Variants in GAREM1 observed in about 807,000 individuals in gnomAD.
GAREM1 encodes GRB2 associated regulator of MAPK1 subtype 1.
A neutral mutation model predicts 71.3 loss-of-function variants in GAREM1; 26 were observed. The observed-to-expected ratio is 0.36, with a 90% CI of 0.27 to 0.51. The LOEUF is 0.51. Among genes scored for constraint, GAREM1 ranks in the 20% least tolerant of loss-of-function variants. GAREM1 has a pLI of 0.95. For synonymous variants in GAREM1, 440 were observed against 433.2 expected (o/e 1.02, Z -0.20); for missense variants, 1,026 against 1,103.1 (o/e 0.93, Z 0.99).
intron 3 of GAREM1, among the ~76,000 whole-genome samples, chr18:32,305,471 T>C (rs533486146): frequency 1.1e-4 from 16 of 152,352 alleles, no homozygotes; most frequent in African/African-American, 1.9e-4. Flanking sequence ...CCAGTTCTCA[T>C]TGGGGCTACA....
chr18:32,436,365 T>C (rs975460184), intron 1 of GAREM1, among the ~76,000 whole-genome samples: 1 of 151,934 alleles, frequency 6.6e-6, no homozygotes, highest in Non-Finnish European at 1.5e-5. Context: ...AGTTTACCAG[T>C]TGTGTGTGTG....
intron 1 of GAREM1, among the ~76,000 whole-genome samples, chr18:32,435,590 T>C (rs1218265625): frequency 2.0e-5 from 3 of 152,060 alleles, no homozygotes; most frequent in Admixed American, 1.3e-4. Flanking sequence ...TTTTAAATAA[T>C]GGGAGAAACC....
rs769861986 is a variant in GAREM1 at position 32,440,342 on chromosome 18, T to G, written c.121+29966A>C. On this transcript the variant is annotated intron_variant, in intron 1 of 5. Coordinates refer to ENST00000269209, the MANE Select transcript of GAREM1 (RefSeq NM_001242409.2). ...GGAACCTCTCTATCTCATGTTATTA[T>G]AGCTTCAGATCCCAAGGCTGTTGAT... 3.9e-5 allele frequency among the ~76,000 whole-genome samples: 6 copies of G among 152,282 alleles called. No homozygotes were observed. In the East Asian group the frequency reaches 9.7e-4, roughly 25 times the overall value.
At chr18:32,374,421 A>G (rs1462076595) in intron 2 of GAREM1, among the ~76,000 whole-genome samples, 1 of 152,244 alleles carries the variant, frequency 6.6e-6, no homozygotes, top group African/African-American at 2.4e-5. Flanking sequence ...CCTTGTCAGC[A>G]TGTGCCCCTA....
chr18:32,364,012 ATATATATATATATATGTT>A (rs1480976460), intron 2 of GAREM1, among the ~76,000 whole-genome samples: 21 of 51,464 alleles, frequency 4.1e-4, no homozygotes, highest in African/African-American at 2.3e-3. Context: ...ATATATATAT[ATATATATATATATATGTT>A]TTTTTTTTTT....
At chr18:32,448,658 T>C (rs899226909) in intron 1 of GAREM1, among the ~76,000 whole-genome samples, 2 of 152,236 alleles carry the variant, frequency 1.3e-5, no homozygotes, top group African/African-American at 4.8e-5. Context: ...TGTTTATATA[T>C]ATACAAATAT....
At chr18:32,332,895 T>C (rs2047551400) in intron 2 of GAREM1, among the ~76,000 whole-genome samples, 1 of 152,104 alleles carries the variant, frequency 6.6e-6, no homozygotes, top group African/African-American at 2.4e-5. Context: ...AGAGAGAGTA[T>C]CAGTGGCCAA....
intron 2 of GAREM1, among the ~76,000 whole-genome samples, chr18:32,317,848 T>A (rs994321973): frequency 1.3e-5 from 2 of 152,040 alleles, no homozygotes; most frequent in Non-Finnish European, 2.9e-5. Context: ...ATCTAAAGAG[T>A]TAAGAGCCAG....
chr18:32,376,647 G>A (rs1330938766), intron 2 of GAREM1, among the ~76,000 whole-genome samples: 1 of 152,190 alleles, frequency 6.6e-6, no homozygotes, highest in Non-Finnish European at 1.5e-5. Flanking sequence ...AGACCAGCCT[G>A]ACCAACATGG....
At chr18:32,468,336 T>C (rs1019450834) in intron 1 of GAREM1, among the ~76,000 whole-genome samples, 2 of 152,214 alleles carry the variant, frequency 1.3e-5, no homozygotes, top group African/African-American at 4.8e-5. Flanking sequence ...CTATTAAAAA[T>C]CATGTTGACA....
rs2048966419 is a variant in GAREM1 at position 32,463,015 on chromosome 18, G to T, written c.121+7293C>A. On this transcript the variant is annotated intron_variant, in intron 1 of 5. Coordinates refer to ENST00000269209, the MANE Select transcript of GAREM1 (RefSeq NM_001242409.2). ...AATAAGTGTCCTACTGCACAGTGGGGTGACTACAGTCAACAACAGGTATTG... is the reference window on the plus strand; with the variant it reads ...AATAAGTGTCCTACTGCACAGTGGGTTGACTACAGTCAACAACAGGTATTG... Among the ~76,000 whole-genome samples, 3 of 152,110 alleles carry T rather than the reference G, an allele frequency of 2.0e-5. No homozygotes were observed. The South Asian group carries it at 6.2e-4, about 32-fold the overall frequency.
intron 2 of GAREM1, among the ~76,000 whole-genome samples, chr18:32,390,146 G>C (rs992072914): frequency 7.2e-5 from 11 of 152,090 alleles, no homozygotes; most frequent in Non-Finnish European, 1.3e-4. Flanking sequence ...ATTCTGGCCT[G>C]GGTGACAGAG....
chr18:32,333,301 A>C (rs2047555713), intron 2 of GAREM1, among the ~76,000 whole-genome samples: 1 of 152,158 alleles, frequency 6.6e-6, no homozygotes, highest in Non-Finnish European at 1.5e-5. Flanking sequence ...GGATGGACCA[A>C]AAAAAGAGAA....
At chr18:32,332,725 G>A (rs761163950) in intron 2 of GAREM1, among the ~76,000 whole-genome samples, 6 of 152,116 alleles carry the variant, frequency 3.9e-5, no homozygotes, top group African/African-American at 7.2e-5. Context: ...GGACACTGTC[G>A]GGATTAAACG....
chr18:32,356,833 A>G (rs990102116), intron 2 of GAREM1, among the ~76,000 whole-genome samples: 1 of 152,210 alleles, frequency 6.6e-6, no homozygotes, highest in Admixed American at 6.5e-5. Context: ...TAGGAGGACC[A>G]TCATTATGAT....
chr18:32,439,014 C>T (rs1292724731), intron 1 of GAREM1, among the ~76,000 whole-genome samples: 1 of 152,106 alleles, frequency 6.6e-6, no homozygotes, highest in African/African-American at 2.4e-5. Flanking sequence ...GTGGAGGGGG[C>T]GTGGTATATA....
chr18:32,287,350 A>G lies in GAREM1; in HGVS notation c.1247T>C (p.Phe416Ser), dbSNP rs759547093. The G allele has an allele frequency of 6.2e-7, 1 of 1,614,168 alleles. No individual in the cohort carries two copies. The highest frequency in any genetic ancestry group is 1.1e-5 in the South Asian group (1 of 91,084). The change falls in exon 4 of 6, where the codon TTT becomes TCT. Residue 416 changes from phenylalanine to serine, a missense_variant. By Grantham distance (155) the Phe-to-Ser change is radical. This residue lies in a region of GAREM1 where 636 missense variants were observed against 631.2 expected (regional missense o/e 1.01). Transcript: ENST00000269209. This position sits in a 1 kb window ranked among gnomAD's most constrained non-coding sequence, Gnocchi z 5.9. ...CRDLGGDWAP[F>S]PHDILPYQDS... ...CTGATAGGGCAGGATGTCATGAGGA[A>G]AGGGAGCCCAATCTCCCCCCAGGTC...
intron 1 of GAREM1, among the ~76,000 whole-genome samples, chr18:32,431,997 C>T (rs1193080038): frequency 2.0e-5 from 3 of 152,038 alleles, no homozygotes; most frequent in East Asian, 1.9e-4. Context: ...TAGACATTCT[C>T]AGGTGAAGAA....
intron 2 of GAREM1, among the ~76,000 whole-genome samples, chr18:32,384,083 T>C (rs1599008051): frequency 1.3e-5 from 2 of 152,182 alleles, no homozygotes; most frequent in Non-Finnish European, 2.9e-5. Flanking sequence ...TTCCTTTATT[T>C]CCAAGTTTTA....
Sources: gnomAD v4.1 joint callset for allele counts (sites outside exome capture counted in the v4.1 genomes callset) on GRCh38, gnomAD v4.1.1 for gene constraint, gnomAD v4.1.1 regional missense constraint, Gnocchi (gnomAD v3.1) non-coding constraint, MANE v1.5 for transcripts, NCBI Gene and HGNC (gene_info 2026-07-23, HGNC 2026-07-21) for gene names.